The following SPAG16 variants were observed in gnomAD, a reference collection of about 807,000 sequenced individuals.
The protein encoded by SPAG16 is sperm associated antigen 16.
A neutral mutation model predicts 80.4 loss-of-function variants in SPAG16; 86 were observed. The ratio of observed to expected loss-of-function variants is 1.07; its 90% CI spans 0.90 to 1.28. SPAG16 has a LOEUF of 1.28. Ranked by LOEUF, SPAG16 falls within the 50% of genes most tolerant of loss-of-function variation. SPAG16 has a pLI of 0.00. For missense variants in SPAG16, 870 were observed against 765.3 expected (o/e 1.14, Z -1.61); for synonymous variants, 294 against 265.9 (o/e 1.11, Z -1.03).
intron 15 of SPAG16, among the ~76,000 whole-genome samples, chr2:214,201,284 T>C (rs2125719733): frequency 6.6e-6 from 1 of 152,300 alleles, no homozygotes; most frequent in East Asian, 1.9e-4. Flanking sequence ...AAAATCTAGC[T>C]GCTAAGTGAA....
At chr2:213,703,177 C>T (rs2065573818) in intron 10 of SPAG16, among the ~76,000 whole-genome samples, 1 of 152,130 alleles carries the variant, frequency 6.6e-6, no homozygotes, top group African/African-American at 2.4e-5. Flanking sequence ...CAATAACGGA[C>T]ATGGAGGAAG....
At chr2:213,386,301 A>G (rs2067425739) in intron 9 of SPAG16, among the ~76,000 whole-genome samples, 3 of 152,182 alleles carry the variant, frequency 2.0e-5, no homozygotes, top group Admixed American at 2.0e-4. Context: ...TTTGCAAAAC[A>G]AACTTAGATT....
intron 10 of SPAG16, among the ~76,000 whole-genome samples, chr2:213,716,428 C>T (rs1423384142): frequency 1.3e-5 from 2 of 152,140 alleles, no homozygotes; most frequent in East Asian, 1.9e-4. Context: ...TAGAGGCAAA[C>T]TCAGAATTTG....
At chr2:214,406,777 G>A (rs62198250) in intron 15 of SPAG16, among the ~76,000 whole-genome samples, 19,210 of 152,040 alleles carry the variant, frequency 0.13, 1,501 homozygotes, top group Non-Finnish European at 0.17. Context: ...ATCCAACAGA[G>A]TGAAATGGAC....
chr2:214,247,423 A>G (rs1183993628), intron 15 of SPAG16, among the ~76,000 whole-genome samples: 1 of 152,150 alleles, frequency 6.6e-6, no homozygotes, highest in African/African-American at 2.4e-5. Flanking sequence ...CATAACTAAT[A>G]TTCATCAATG....
intron 10 of SPAG16, among the ~76,000 whole-genome samples, chr2:213,787,776 G>A (rs2070435449): frequency 1.3e-5 from 2 of 151,906 alleles, no homozygotes; most frequent in African/African-American, 4.8e-5. Flanking sequence ...AGTGGCAGTT[G>A]ATACAACAAT....
intron 9 of SPAG16, among the ~76,000 whole-genome samples, chr2:213,477,273 T>C (rs1238648819): frequency 6.6e-6 from 1 of 152,112 alleles, no homozygotes; most frequent in African/African-American, 2.4e-5. Context: ...ACCTATGAAT[T>C]TGTCTGTCTC....
intron 8 of SPAG16, among the ~76,000 whole-genome samples, chr2:213,366,087 A>T (rs2125136182): frequency 6.8e-6 from 1 of 146,554 alleles, no homozygotes; most frequent in South Asian, 2.2e-4. Flanking sequence ...GCTTGCAGTG[A>T]GCCGAGATCC....
intron 13 of SPAG16, among the ~76,000 whole-genome samples, chr2:214,025,017 T>G (rs1433980242): frequency 1.3e-5 from 2 of 151,616 alleles, no homozygotes; most frequent in Non-Finnish European, 3.0e-5. Flanking sequence ...TGGTTGTGAA[T>G]TTTGAGGCAC....
At chr2:213,900,546 A>T (rs2106120963) in intron 11 of SPAG16, among the ~76,000 whole-genome samples, 1 of 152,248 alleles carries the variant, frequency 6.6e-6, no homozygotes, top group South Asian at 2.1e-4. Flanking sequence ...TTATTTTTCT[A>T]ACTCCGCTTA....
intron 9 of SPAG16, among the ~76,000 whole-genome samples, chr2:213,480,510 A>G (rs1476052291): frequency 1.3e-5 from 2 of 152,206 alleles, no homozygotes; most frequent in Non-Finnish European, 2.9e-5. Context: ...GTAATACCAT[A>G]CCTGAAATAG....
intron 15 of SPAG16, among the ~76,000 whole-genome samples, chr2:214,291,203 T>C (rs1315997352): frequency 2.0e-5 from 3 of 152,096 alleles, no homozygotes; most frequent in Non-Finnish European, 4.4e-5. Context: ...TTTCCTTTTG[T>C]TTGGAATATC....
At chr2:214,348,492 A>C (rs1344928109) in intron 15 of SPAG16, among the ~76,000 whole-genome samples, 1 of 152,134 alleles carries the variant, frequency 6.6e-6, no homozygotes, top group Admixed American at 6.6e-5. Context: ...ATTCTATGTG[A>C]TTTCCAGGTC....
chr2:213,576,331 T>C (rs986635399), intron 10 of SPAG16, among the ~76,000 whole-genome samples: 2 of 152,164 alleles, frequency 1.3e-5, no homozygotes, highest in Non-Finnish European at 2.9e-5. Context: ...TGTAGCCCTG[T>C]AGTGTAGTTT....
chr2:213,883,493 T>C (rs2076430471), intron 11 of SPAG16, among the ~76,000 whole-genome samples: 1 of 152,170 alleles, frequency 6.6e-6, no homozygotes, highest in East Asian at 1.9e-4. Flanking sequence ...TTGTGGTTGT[T>C]CGGTAGAATG....
chr2:213,903,042 A>T (rs1166321355), intron 11 of SPAG16, among the ~76,000 whole-genome samples: 2 of 152,158 alleles, frequency 1.3e-5, no homozygotes, highest in Non-Finnish European at 2.9e-5. Context: ...GGTCTTGGGC[A>T]GCTCCACCCC....
At chr2:213,294,611 TACTG>T (rs926625847) in intron 1 of SPAG16, among the ~76,000 whole-genome samples, 1 of 152,248 alleles carries the variant, frequency 6.6e-6, no homozygotes, top group Non-Finnish European at 1.5e-5. Context: ...TACAATAAAA[TACTG>T]ACCTTTTGAC....
At chr2:213,702,679 A>G (rs904713516) in intron 10 of SPAG16, among the ~76,000 whole-genome samples, 4 of 152,206 alleles carry the variant, frequency 2.6e-5, no homozygotes, top group East Asian at 3.9e-4. Flanking sequence ...TCTATGACAC[A>G]TAGAAGCTGA....
At chr2:214,102,939 C>T (rs1363230360) in intron 13 of SPAG16, among the ~76,000 whole-genome samples, 1 of 152,134 alleles carries the variant, frequency 6.6e-6, no homozygotes, top group African/African-American at 2.4e-5. Context: ...AACCTTGTTG[C>T]TAGGACTTCA....
Sources: allele counts gnomAD v4.1 joint callset (sites outside exome capture counted in the v4.1 genomes callset), GRCh38; gene constraint gnomAD v4.1.1; transcripts MANE v1.5; gene names NCBI Gene and HGNC (gene_info 2026-07-23, HGNC 2026-07-21).